Variants in CARS1 observed in about 807,000 individuals in gnomAD.
CARS1 encodes cysteinyl-tRNA synthetase 1.
In CARS1, 48 loss-of-function variants were observed where a neutral mutation model predicts 106.2. That is an observed-to-expected ratio of 0.45 (90% CI 0.36 to 0.57). The LOEUF is 0.57. Among genes scored for constraint, CARS1 ranks in the 20% least tolerant of loss-of-function variants. The pLI is 0.00. For missense variants in CARS1, 968 were observed against 1,057.2 expected, an observed-to-expected ratio of 0.92 and a Z score of 1.17; for synonymous variants, 409 against 403.4, an observed-to-expected ratio of 1.01 and a Z score of -0.17.
intron 1 of CARS1, among the ~76,000 whole-genome samples, chr11:3,056,115 T>C (rs1424777952): frequency 2.0e-5 from 3 of 151,992 alleles, no homozygotes; most frequent in Admixed American, 6.6e-5. Flanking sequence ...GGCACAAGAG[T>C]GTAGCCCTGT....
At position 3,037,961 on chromosome 11, in the gene CARS1, T is replaced by A. The variant is rs906688972; in HGVS notation, c.801+89A>T. 4.6e-6 allele frequency: 6 copies of A among 1,310,494 alleles called. No homozygotes were observed. In the East Asian group the frequency reaches 7.0e-5, roughly 15 times the overall value. 81.2% of individuals were successfully genotyped at this position (1,310,494 alleles called of 1,614,324 possible). On this transcript the variant is annotated intron_variant, in intron 7 of 22. Transcript: ENST00000380525. This position sits in a 1 kb window ranked among gnomAD's most constrained non-coding sequence, Gnocchi z 5.9. ...CAGAGTGTCTTCCACTAAGACAATCTGTGGAATCAATCCGTGCACACAGAT... is the reference window on the plus strand; with the variant it reads ...CAGAGTGTCTTCCACTAAGACAATCAGTGGAATCAATCCGTGCACACAGAT...
In CARS1 at chr11:3,037,257, C is replaced by A. The variant is rs1338554539; in HGVS notation, c.801+793G>T. 1.3e-5 allele frequency among the ~76,000 whole-genome samples: 2 copies of A among 152,236 alleles called. No individual in the cohort carries two copies. On this transcript the variant is annotated intron_variant, in intron 7 of 22. Coordinates refer to ENST00000380525, the MANE Select transcript of CARS1 (RefSeq NM_001014437.3). This position sits in a 1 kb window ranked among gnomAD's most constrained non-coding sequence, Gnocchi z 5.9. The stretch of plus-strand genomic sequence containing the variant: ...TTGGAAACAGGCGCAACGAAGCGAT[C>A]TGCTGAGTCAGGACACAGAAGAGAC...
intron 17 of CARS1, among the ~76,000 whole-genome samples, chr11:3,013,443 T>C (rs1328576151): frequency 6.6e-6 from 1 of 151,800 alleles, no homozygotes; most frequent in Admixed American, 6.6e-5. Flanking sequence ...TGAGCCACCA[T>C]GCTGTGCTAG....
chr11:3,033,899 T>C (rs1853222199), intron 7 of CARS1, among the ~76,000 whole-genome samples: 1 of 152,226 alleles, frequency 6.6e-6, no homozygotes, highest in Admixed American at 6.5e-5. Flanking sequence ...AGAGACAGCA[T>C]GATACTCCTG....
chr11:3,024,926 C>A (rs1345328551), intron 10 of CARS1, among the ~76,000 whole-genome samples: 2 of 152,192 alleles, frequency 1.3e-5, no homozygotes, highest in African/African-American at 4.8e-5. Flanking sequence ...AAGTTCCCAG[C>A]TCTCAAACCA....
rs374977538 is a variant in CARS1, at chr11:3,046,267, G to A, written c.274+1486C>T. On this transcript the variant is annotated intron_variant, in intron 2 of 22. Transcript: ENST00000380525. This position sits in a 1 kb window ranked among gnomAD's most constrained non-coding sequence, Gnocchi z 5.8. ...CCGCTCTTTCAACAAGTCCCTATGA[G>A]GGAAGCCTGGACAGGCCACTGCTGA... Among the ~76,000 whole-genome samples the A allele has an allele frequency of 1.1e-3, 169 of 152,294 alleles. 2 individuals carry two copies. Among genetic ancestry groups the A allele is most frequent in the African/African-American group, 4.0e-3 (166 of 41,554 alleles).
chr11:3,055,661 G>T (rs1171318518), intron 1 of CARS1, among the ~76,000 whole-genome samples: 1 of 152,202 alleles, frequency 6.6e-6, no homozygotes, highest in Non-Finnish European at 1.5e-5. Flanking sequence ...ATTCTTACAA[G>T]GCTCTGAAAA....
chr11:3,028,091 TA>T lies in CARS1; in HGVS notation c.1031+904del, dbSNP rs1343298188. 3.4e-6 allele frequency: 1 copy of T among 292,882 alleles called. No homozygotes were observed. The highest frequency in any genetic ancestry group is 6.8e-6 in the Non-Finnish European group (1 of 146,506). 18.1% of individuals were successfully genotyped at this position (292,882 alleles called of 1,614,324 possible). On this transcript the variant is annotated intron_variant, in intron 9 of 22. Transcript: ENST00000380525. This position sits in a 1 kb window ranked among gnomAD's most constrained non-coding sequence, Gnocchi z 4.4. ...AGCAGTAGCAAATTAGTGAAAGTAC[TA>T]AAAGTCTCTGATATGCAGAAATAAT...
At position 3,007,513 on chromosome 11, in the gene CARS1, C is replaced by T. The variant is rs544268154; in HGVS notation, c.2069-554G>A. The T allele has an allele frequency of 3.9e-5, 6 of 153,078 alleles. No homozygotes were observed. The East Asian group carries it at 5.8e-4, about 15-fold the overall frequency. 9.5% of individuals were successfully genotyped at this position (153,078 alleles called of 1,614,324 possible). Reference sequence around the variant, plus strand: ...TGAGTCCCAGGACCACCAAGGAGCTCGAGCTCTGTGAGAATCAGCCCTCCC... The same window carrying T: ...TGAGTCCCAGGACCACCAAGGAGCTTGAGCTCTGTGAGAATCAGCCCTCCC... On this transcript the variant is annotated intron_variant, in intron 18 of 22. Transcript: ENST00000380525.
In CARS1 at chr11:3,040,305, T is replaced by G. The variant is rs567974854; in HGVS notation, c.456-374A>C. 1.2e-3 allele frequency: 384 copies of G among 317,182 alleles called. 1 individual carries two copies. The Middle Eastern group carries it at 0.019, about 16-fold the overall frequency. The allele number at this position is 317,182 out of a possible 1,614,324, so 19.6% of individuals were successfully genotyped here. A position where few individuals can be genotyped will look rare whatever the true frequency, so the allele number is the denominator to read the frequency against. The stretch of plus-strand genomic sequence containing the variant: ...GAGGCTATTTTAGTGGTGAAGTTTT[T>G]GGGGAATCAAAAGTTATGTGTGGAT... On this transcript the variant is annotated intron_variant, in intron 4 of 22. Transcript: ENST00000380525. This position sits in a 1 kb window ranked among gnomAD's most constrained non-coding sequence, Gnocchi z 5.8.
In CARS1 at chr11:3,004,501, T is replaced by C. The variant is rs975544026; in HGVS notation, c.2217+865A>G. Among the ~76,000 whole-genome samples, 112 of 152,134 alleles carry C rather than the reference T, an allele frequency of 7.4e-4. No homozygotes were observed. The highest frequency in any genetic ancestry group is 2.7e-3 in the African/African-American group (111 of 41,436). ...CGCCCTCCACGGTGGTCTCCTGCTT[T>C]AAGCCTCTTGGGGACCCACCTGCTG... is the stretch of plus-strand genomic sequence containing the variant. On this transcript the variant is annotated intron_variant, in intron 20 of 22. Transcript: ENST00000380525. The surrounding 1 kb of genome is among the most constrained non-coding windows in gnomAD (Gnocchi z 5.2).
rs1232936028 is a variant in CARS1, at chr11:3,041,026, G to A, written c.367-42C>T. 1 of 1,613,822 alleles carries A rather than the reference G, an allele frequency of 6.2e-7. No homozygotes were observed. The highest frequency in any genetic ancestry group is 1.3e-5 in the African/African-American group (1 of 74,910). ...GGAATGACGATCACAAGAAATGCAA[G>A]AAACACTGCACAGGATTACCAAAAA... On this transcript the variant is annotated intron_variant, in intron 3 of 22. Transcript: ENST00000380525. The surrounding 1 kb of genome is among the most constrained non-coding windows in gnomAD (Gnocchi z 4.9).
In CARS1 at chr11:3,022,383, G is replaced by A. The variant is rs1405529333; in HGVS notation, c.1154-2051C>T. On this transcript the variant is annotated intron_variant, in intron 10 of 22. Coordinates refer to ENST00000380525, the MANE Select transcript of CARS1 (RefSeq NM_001014437.3). The surrounding 1 kb of genome is among the most constrained non-coding windows in gnomAD (Gnocchi z 4.9). ...TTCGCCCCTCACTTCCCCAGCAACC[G>A]GCAATCCCCATCACCTGTCCAGAGC... Among the ~76,000 whole-genome samples the A allele has an allele frequency of 4.6e-5, 7 of 152,006 alleles. No individual in the cohort carries two copies. The highest frequency in any genetic ancestry group is 1.7e-4 in the African/African-American group (7 of 41,372).
At chr11:3,054,903 C>A (rs866136348) in intron 1 of CARS1, 1 of 702,468 alleles carries the variant, frequency 1.4e-6, no homozygotes, top group Non-Finnish European at 2.6e-6. Context: ...CAAGTGGTAT[C>A]CCAAGTCTGT....
intron 17 of CARS1, 107 bp downstream of exon 17, chr11:3,015,674 G>T: frequency 1.0e-6 from 1 of 969,924 alleles, no homozygotes; most frequent in Non-Finnish European, 1.7e-6. Flanking sequence ...GTCCGGAAGG[G>T]TCTGGTGTGG....
Position 3,040,446 on chromosome 11 carries a change from A to G in CARS1, c.455+450T>C. 1 of 448,952 alleles carries G rather than the reference A, an allele frequency of 2.2e-6. No homozygotes were observed. Among genetic ancestry groups the G allele is most frequent in the Non-Finnish European group, 4.4e-6 (1 of 226,120 alleles). The allele number at this position is 448,952 out of a possible 1,614,324, so 27.8% of individuals were successfully genotyped here. ...CACATAAAAGGACTCTGTGGCATTTACCCCAACAGCCAGCTACTCGTCAGG... is the reference window on the plus strand; with the variant it reads ...CACATAAAAGGACTCTGTGGCATTTGCCCCAACAGCCAGCTACTCGTCAGG... On this transcript the variant is annotated intron_variant, in intron 4 of 22. Coordinates refer to ENST00000380525, the MANE Select transcript of CARS1 (RefSeq NM_001014437.3). This position sits in a 1 kb window ranked among gnomAD's most constrained non-coding sequence, Gnocchi z 5.8.
At chr11:3,042,003 C>T (rs187265891) in intron 3 of CARS1, among the ~76,000 whole-genome samples, 162 bp downstream of exon 3, 2 of 152,310 alleles carry the variant, frequency 1.3e-5, no homozygotes, top group Admixed American at 6.5e-5. Context: ...GCCACAGAGA[C>T]TATAACATGG....
rs182695013 is a variant in CARS1, at chr11:3,006,639, T to C, written c.2149+240A>G. Among the ~76,000 whole-genome samples, 561 of 152,170 alleles carry C rather than the reference T, an allele frequency of 3.7e-3. 6 individuals carry two copies. Among genetic ancestry groups the C allele is most frequent in the African/African-American group, 0.012 (515 of 41,520 alleles). ...CGGGCAGCCAGGCCCCTAGGGGAGA[T>C]GATGCGCAGGGGAGGTGACACCACC... On this transcript the variant is annotated intron_variant, in intron 19 of 22. Transcript: ENST00000380525.
Position 3,053,285 on chromosome 11 carries a change from C to T in CARS1, c.25+4058G>A, listed in dbSNP as rs1182407865. On this transcript the variant is annotated intron_variant, in intron 1 of 22. Transcript: ENST00000380525. The surrounding 1 kb of genome is among the most constrained non-coding windows in gnomAD (Gnocchi z 6.6). Reference sequence around the variant, plus strand: ...CTCGCTCGTCACCCAGGCTGGAGTGCAGTGGCATGATCTCGGCTCACTGCA... The same window carrying T: ...CTCGCTCGTCACCCAGGCTGGAGTGTAGTGGCATGATCTCGGCTCACTGCA... Among the ~76,000 whole-genome samples, 2 of 152,108 alleles carry T rather than the reference C, an allele frequency of 1.3e-5. No individual in the cohort carries two copies. The highest frequency in any genetic ancestry group is 4.8e-5 in the African/African-American group (2 of 41,410).
Sources: gnomAD v4.1 joint callset for allele counts (sites outside exome capture counted in the v4.1 genomes callset) on GRCh38, gnomAD v4.1.1 for gene constraint, Gnocchi (gnomAD v3.1) non-coding constraint, MANE v1.5 for transcripts, NCBI Gene and HGNC (gene_info 2026-07-23, HGNC 2026-07-21) for gene names.